Variants in SMAD9 observed in about 807,000 individuals in gnomAD.
SMAD9 encodes the protein MAD homolog 9.
A neutral mutation model predicts 46.1 loss-of-function variants in SMAD9; 36 were observed. The ratio of observed to expected loss-of-function variants is 0.78; its 90% confidence interval spans 0.60 to 1.03. The LOEUF is 1.03. Among genes scored for constraint, SMAD9 ranks in the 50% least tolerant of loss-of-function variants. The pLI is 0.00. For missense variants in SMAD9, 572 were observed against 599.8 expected, an observed-to-expected ratio of 0.95 and a Z score of 0.48; for synonymous variants, 245 against 237.1, an observed-to-expected ratio of 1.03 and a Z score of -0.31.
Position 36,879,471 on chromosome 13 carries a change from G to A in SMAD9, c.219C>T (p.Arg73=), listed in dbSNP as rs2138495200. 1 of 1,613,742 alleles carries A rather than the reference G, an allele frequency of 6.2e-7. No individual in the cohort carries two copies. Among genetic ancestry groups the A allele is most frequent in the Admixed American group, 1.7e-5 (1 of 60,008 alleles). The change falls in exon 2 of 7, where the codon CGC becomes CGT. Residue 73 remains arginine, a synonymous_variant. Coordinates refer to ENST00000379826, the MANE Select transcript of SMAD9 (RefSeq NM_001127217.3). The stretch of plus-strand genomic sequence containing the variant: ...ACACCTGCAGCCGCCCGTCCAGGGA[G>A]CGGGGAATCGTGACGCATTTGCTGG... ...GQPSKCVTIP[R]SLDGRLQVSH...
chr13:36,903,443 G>C (rs2058594659), intron 1 of SMAD9, among the ~76,000 whole-genome samples: 1 of 152,124 alleles, frequency 6.6e-6, no homozygotes, highest in Admixed American at 6.6e-5. Flanking sequence ...CCATTTCCAG[G>C]CTTCAATGGC....
intron 5 of SMAD9, 142 bp from the exon 6 acceptor site, chr13:36,853,817 T>C: frequency 1.2e-6 from 1 of 837,094 alleles, no homozygotes; most frequent in Non-Finnish European, 2.0e-6. Flanking sequence ...GTGACCTAAA[T>C]GCCGCTTAGT....
intron 1 of SMAD9, among the ~76,000 whole-genome samples, chr13:36,915,857 C>T (rs1343036876): frequency 1.3e-5 from 2 of 151,456 alleles, no homozygotes; most frequent in East Asian, 2.0e-4. Flanking sequence ...TTGAAAAATG[C>T]GTTTTGAGCT....
Position 36,894,952 on chromosome 13 carries a change from G to A in SMAD9, c.-186-15077C>T, listed in dbSNP as rs554173553. ...ATTCCCTTATGTCACACTCTCCTTC[G>A]CTTCCATGGCAAGGAGGGCTATCAG... is the stretch of plus-strand genomic sequence containing the variant. On this transcript the variant is annotated intron_variant, in intron 1 of 6. Transcript: ENST00000379826. 3.9e-4 allele frequency among the ~76,000 whole-genome samples: 60 copies of A among 152,164 alleles called. 1 individual carries two copies. In the South Asian group the frequency reaches 8.5e-3, roughly 22 times the overall value.
At chr13:36,883,338 G>A (rs1039181527) in intron 1 of SMAD9, among the ~76,000 whole-genome samples, 1 of 151,934 alleles carries the variant, frequency 6.6e-6, no homozygotes, top group Middle Eastern at 3.4e-3. Flanking sequence ...TCCAAAAAGT[G>A]CAAAGAAGAA....
rs1471830899 is a variant in SMAD9, at chr13:36,847,508, G to A, written c.*1168C>T. 1 of 152,302 alleles carries A rather than the reference G, an allele frequency of 6.6e-6. No individual in the cohort carries two copies. The highest frequency in any genetic ancestry group is 6.5e-5 in the Admixed American group (1 of 15,300). 9.4% of individuals were successfully genotyped at this position (152,302 alleles called of 1,614,324 possible). On this transcript the variant is annotated 3_prime_UTR_variant, in exon 7 of 7. Coordinates refer to ENST00000379826, the MANE Select transcript of SMAD9 (RefSeq NM_001127217.3). ...TCAGTACCACTGTTCCCCAGAAATTGCAGATGATTATGAAATTATTATCAC... is the reference window on the plus strand; with the variant it reads ...TCAGTACCACTGTTCCCCAGAAATTACAGATGATTATGAAATTATTATCAC...
chr13:36,872,168 A>T (rs2058301378), intron 3 of SMAD9, among the ~76,000 whole-genome samples: 1 of 152,136 alleles, frequency 6.6e-6, no homozygotes, highest in Admixed American at 6.5e-5. Flanking sequence ...CATGGCAGAA[A>T]GGGATAATGC....
At chr13:36,902,076 A>G (rs972572476) in intron 1 of SMAD9, among the ~76,000 whole-genome samples, 1 of 152,012 alleles carries the variant, frequency 6.6e-6, no homozygotes, top group Non-Finnish European at 1.5e-5. Flanking sequence ...GGTTATAAAT[A>G]TTTACCAATG....
chr13:36,860,198 G>A (rs762246399), intron 5 of SMAD9, among the ~76,000 whole-genome samples: 5 of 152,044 alleles, frequency 3.3e-5, no homozygotes, highest in Non-Finnish European at 5.9e-5. Context: ...GGAGCTGACT[G>A]GTGAAATCCT....
chr13:36,895,457 C>T lies in SMAD9; in HGVS notation c.-186-15582G>A, dbSNP rs534366783. On this transcript the variant is annotated intron_variant, in intron 1 of 6. Transcript: ENST00000379826. ...GGTGTTTAGCAGCATCCTTGGCCTC[C>T]ACCTATAGATGCCAGTAGCACACAT... Among the ~76,000 whole-genome samples the T allele has an allele frequency of 3.8e-4, 58 of 152,288 alleles. 1 individual carries two copies. In the South Asian group the frequency reaches 8.3e-3, roughly 22 times the overall value.
intron 6 of SMAD9, chr13:36,852,556 A>G: frequency 1.0e-6 from 1 of 984,872 alleles, no homozygotes; most frequent in Non-Finnish European, 1.2e-6. Flanking sequence ...ACAAATATTC[A>G]TCAACAGAAC....
intron 1 of SMAD9, among the ~76,000 whole-genome samples, chr13:36,917,050 A>G (rs982765287): frequency 3.3e-5 from 5 of 152,164 alleles, no homozygotes; most frequent in African/African-American, 1.2e-4. Context: ...CCGACACCAA[A>G]GGAGAGCAGA....
At chr13:36,881,821 A>G (rs1593592764) in intron 1 of SMAD9, among the ~76,000 whole-genome samples, 1 of 152,350 alleles carries the variant, frequency 6.6e-6, no homozygotes, top group Middle Eastern at 3.4e-3. Context: ...AGAGGGTTAG[A>G]AGCTTTAAGG....
chr13:36,872,372 T>TAA (rs55908547), intron 3 of SMAD9, among the ~76,000 whole-genome samples: 20 of 144,220 alleles, frequency 1.4e-4, no homozygotes, highest in East Asian at 2.0e-4. Context: ...TCTACTGCCT[T>TAA]AAAAAAAAAA....
Position 36,885,839 on chromosome 13 carries a change from A to T in SMAD9, c.-186-5964T>A, listed in dbSNP as rs367756615. Among the ~76,000 whole-genome samples the T allele has an allele frequency of 6.8e-4, 103 of 152,182 alleles. 2 individuals are homozygous for T. Among genetic ancestry groups the T allele is most frequent in the African/African-American group, 2.4e-3 (100 of 41,512 alleles). ...CTTTAAATTCTCAAAAGAGCCTGTG[A>T]CCCCAAAAAGGTTAAAAAAACAACA... On this transcript the variant is annotated intron_variant, in intron 1 of 6. Transcript: ENST00000379826.
intron 4 of SMAD9, 61 bp downstream of exon 4, chr13:36,867,212 T>G: frequency 1.8e-6 from 2 of 1,120,066 alleles, no homozygotes; most frequent in South Asian, 2.7e-5. Flanking sequence ...TTGCTTTGTT[T>G]GGGGGTAATA....
At chr13:36,858,032 T>C (rs530672843) in intron 5 of SMAD9, among the ~76,000 whole-genome samples, 25 of 152,216 alleles carry the variant, frequency 1.6e-4, no homozygotes, top group Middle Eastern at 3.4e-3. Context: ...ATATGAAGCA[T>C]GAGATTTGCT....
chr13:36,893,963 TTTTAA>T (rs1457834762), intron 1 of SMAD9, among the ~76,000 whole-genome samples: 3 of 152,152 alleles, frequency 2.0e-5, no homozygotes, highest in Non-Finnish European at 4.4e-5. Flanking sequence ...AAATAAAATA[TTTTAA>T]TTTAAAACAA....
At chr13:36,885,407 ATTT>A in intron 1 of SMAD9, among the ~76,000 whole-genome samples, 1 of 152,232 alleles carries the variant, frequency 6.6e-6, no homozygotes, top group East Asian at 1.9e-4. Flanking sequence ...ACACACGTAT[ATTT>A]AATTCAAATT....
Sources: allele counts gnomAD v4.1 joint callset (sites outside exome capture counted in the v4.1 genomes callset), GRCh38; gene constraint gnomAD v4.1.1; transcripts MANE v1.5; gene names NCBI Gene and HGNC (gene_info 2026-07-23, HGNC 2026-07-21).